The following ATP2A3 variants were observed in gnomAD, a reference collection of about 807,000 sequenced individuals.
ATP2A3 encodes the protein ATPase sarcoplasmic/endoplasmic reticulum Ca2+ transporting 3, also known as sarcoplasmic/endoplasmic reticulum calcium ATPase 3.
ATP2A3 carries 61 observed loss-of-function variants against 106.8 expected under a neutral mutation model. The ratio of observed to expected loss-of-function variants is 0.57; its 90% CI spans 0.46 to 0.71. ATP2A3 has a LOEUF of 0.71. Ranked by LOEUF, ATP2A3 falls within the 30% of genes least tolerant of loss-of-function variation. ATP2A3 has a pLI of 0.00. For synonymous variants in ATP2A3, 611 were observed against 609.3 expected (o/e 1.00, Z -0.04); for missense variants, 1,201 against 1,423.5 (o/e 0.84, Z 2.52).
At chr17:3,962,730 C>T (rs963596309) in intron 1 of ATP2A3, among the ~76,000 whole-genome samples, 100 of 150,974 alleles carry the variant, frequency 6.6e-4, no homozygotes, top group African/African-American at 2.3e-3. Context: ...ACAGACCTGG[C>T]TAGGGTCGTA....
intron 1 of ATP2A3, among the ~76,000 whole-genome samples, chr17:3,963,573 C>A (rs997065512): frequency 6.6e-6 from 1 of 152,228 alleles, no homozygotes; most frequent in Non-Finnish European, 1.5e-5. Flanking sequence ...GACTCCGCCA[C>A]CCCAGGAAGG....
chr17:3,950,312 C>T (rs569289142), intron 7 of ATP2A3, among the ~76,000 whole-genome samples, 199 bp downstream of exon 7: 1 of 151,802 alleles, frequency 6.6e-6, no homozygotes, highest in South Asian at 2.1e-4. Flanking sequence ...CAGGCACACG[C>T]CACCACCCCC....
intron 14 of ATP2A3, among the ~76,000 whole-genome samples, 159 bp from the exon 15 acceptor site, chr17:3,937,795 C>T (rs547503132): frequency 2.0e-5 from 3 of 152,172 alleles, no homozygotes; most frequent in African/African-American, 7.2e-5. Flanking sequence ...AGAAATTGGG[C>T]AGAGGATGAG....
intron 1 of ATP2A3, among the ~76,000 whole-genome samples, chr17:3,958,743 G>GACACACATATATATAC (rs1276294778): frequency 5.7e-5 from 6 of 104,810 alleles, no homozygotes; most frequent in Non-Finnish European, 1.1e-4. Flanking sequence ...CATATATATA[G>GACACACATATATATAC]ACACACATAT....
chr17:3,928,892 C>A lies in ATP2A3; in HGVS notation c.2863-112G>T. 2 of 782,166 alleles carry A rather than the reference C, an allele frequency of 2.6e-6. No individual in the cohort carries two copies. Among genetic ancestry groups the A allele is most frequent in the Non-Finnish European group, 4.2e-6 (2 of 475,236 alleles). 48.5% of individuals were successfully genotyped at this position (782,166 alleles called of 1,614,324 possible). On this transcript the variant is annotated intron_variant, in intron 19 of 20. Transcript: ENST00000397041. This position sits in a 1 kb window ranked among gnomAD's most constrained non-coding sequence, Gnocchi z 6.1. ...TCTGATGGACTCTTCATGAGCGCTC[C>A]TAAGAACCCCCTGGATGCACCCCCG...
intron 17 of ATP2A3, 79 bp downstream of exon 17, chr17:3,935,113 G>A (rs2053356824): frequency 1.9e-5 from 28 of 1,438,270 alleles, no homozygotes; most frequent in Middle Eastern, 1.7e-4. Context: ...CCACCCATGC[G>A]GCTCTAGACC....
Position 3,947,637 on chromosome 17 carries a change from G to A in ATP2A3, c.849C>T (p.Ala283=), listed in dbSNP as rs766807035. 3 of 1,612,366 alleles carry A rather than the reference G, an allele frequency of 1.9e-6. No homozygotes were observed. The highest frequency in any genetic ancestry group is 1.3e-5 in the African/African-American group (1 of 75,048). ...VINIGHFADP[A]HGGSWLRGAV... The stretch of plus-strand genomic sequence containing the variant: ...CGCCACGCAGCCAGGAGCCACCGTG[G>A]GCCGGGTCGGCGAAGTGGCCGATGT... The change falls in exon 8 of 21, where the codon GCC becomes GCT. Residue 283 remains alanine, a synonymous_variant. Coordinates refer to ENST00000397041, the MANE Select transcript of ATP2A3 (RefSeq NM_005173.4). The surrounding 1 kb of genome is among the most constrained non-coding windows in gnomAD (Gnocchi z 7.7).
chr17:3,956,501 T>C (rs2054790531), intron 1 of ATP2A3, among the ~76,000 whole-genome samples: 1 of 152,226 alleles, frequency 6.6e-6, no homozygotes, highest in Non-Finnish European at 1.5e-5. Flanking sequence ...ACTAGCCACA[T>C]GCAGCTGGCG....
chr17:3,927,265 AC>A (rs543015034), intron 20 of ATP2A3: 1 of 985,482 alleles, frequency 1.0e-6, no homozygotes, highest in South Asian at 4.7e-5. Context: ...CATCTGAGAC[AC>A]AGGCTTTTCC....
Position 3,928,233 on chromosome 17 carries a change from G to A in ATP2A3, c.2980+430C>T. 6.2e-7 allele frequency: 1 copy of A among 1,613,630 alleles called. No individual in the cohort carries two copies. Among genetic ancestry groups the A allele is most frequent in the Non-Finnish European group, 8.5e-7 (1 of 1,180,004 alleles). Reference sequence around the variant, plus strand: ...CCCACCCACAAGGTGATACCAAAGAGGCCAACCCGGTGTGGTCTGGGGTCC... The same window carrying A: ...CCCACCCACAAGGTGATACCAAAGAAGCCAACCCGGTGTGGTCTGGGGTCC... On this transcript the variant is annotated intron_variant, in intron 20 of 20. Coordinates refer to ENST00000397041, the MANE Select transcript of ATP2A3 (RefSeq NM_005173.4). This position sits in a 1 kb window ranked among gnomAD's most constrained non-coding sequence, Gnocchi z 6.1.
In ATP2A3 at chr17:3,953,555, C is replaced by T. The variant is rs1486701596; in HGVS notation, c.137-126G>A. ...CACTCAGAAGAGGGAGAACCCAGGT[C>T]GCTGAGAGGCTCAGGTGGGTGATCC... is the stretch of plus-strand genomic sequence containing the variant. On this transcript the variant is annotated intron_variant, in intron 2 of 20. Coordinates refer to ENST00000397041, the MANE Select transcript of ATP2A3 (RefSeq NM_005173.4). This position sits in a 1 kb window ranked among gnomAD's most constrained non-coding sequence, Gnocchi z 5.1. 1.6e-5 allele frequency: 23 copies of T among 1,481,854 alleles called. No homozygotes were observed. Among genetic ancestry groups the T allele is most frequent in the Non-Finnish European group, 2.0e-5 (22 of 1,078,338 alleles). 91.8% of individuals were successfully genotyped at this position (1,481,854 alleles called of 1,614,324 possible).
At chr17:3,957,759 T>G (rs1489959301) in intron 1 of ATP2A3, among the ~76,000 whole-genome samples, 1 of 152,218 alleles carries the variant, frequency 6.6e-6, no homozygotes, top group East Asian at 1.9e-4. Context: ...ATAGTTCCCC[T>G]TGAAATGGCG....
At chr17:3,940,316 T>C (rs1029677645) in intron 14 of ATP2A3, among the ~76,000 whole-genome samples, 7 of 152,130 alleles carry the variant, frequency 4.6e-5, no homozygotes, top group African/African-American at 1.2e-4. Context: ...CTGGTTAACA[T>C]GTATTCTAAA....
chr17:3,935,297 C>A lies in ATP2A3; in HGVS notation c.2525-20G>T, dbSNP rs373538772. The A allele has an allele frequency of 5.0e-6, 8 of 1,609,586 alleles. No homozygotes were observed. The highest frequency in any genetic ancestry group is 5.9e-6 in the Non-Finnish European group (7 of 1,177,224). On this transcript the variant is annotated intron_variant, in intron 16 of 20. Transcript: ENST00000397041. Reference sequence around the variant, plus strand: ...CGTACACTGCGGGGAAGGGAGGAGACCGGCTGTAGAGAATGGCGGTGGTTT... The same window carrying A: ...CGTACACTGCGGGGAAGGGAGGAGAACGGCTGTAGAGAATGGCGGTGGTTT...
rs540319720 is a variant in ATP2A3 at position 3,942,729 on chromosome 17, G to A, written c.1422C>T (p.Val474=). The change falls in exon 12 of 21, where the codon GTC becomes GTT. Residue 474 remains valine, a splice_region_variant and synonymous_variant. Coordinates refer to ENST00000397041, the MANE Select transcript of ATP2A3 (RefSeq NM_005173.4). ...RVERAGACNT[V]IKQLMRKEFT... is the part of the protein sequence containing the mutation. ...ACTCCTTCCGCATCAGCTGCTTGAT[G>A]ACCTGCGGGGTCCAGGCAGGTCAGG... 6.2e-7 allele frequency: 1 copy of A among 1,612,886 alleles called. No individual in the cohort carries two copies. The highest frequency in any genetic ancestry group is 1.7e-5 in the Admixed American group (1 of 60,018).
In ATP2A3 at chr17:3,941,127, C is replaced by T. The variant is rs1597612414; in HGVS notation, c.1944G>A (p.Val648=). The T allele has an allele frequency of 1.2e-6, 2 of 1,614,128 alleles. No individual in the cohort carries two copies. Among genetic ancestry groups the T allele is most frequent in the Non-Finnish European group, 8.5e-7 (1 of 1,179,994 alleles). The change falls in exon 14 of 21, where the codon GTG becomes GTA. Residue 648 remains valine, a synonymous_variant. Transcript: ENST00000397041. ...CGCGGCCCGTGTAGGCCTTGCCCGC[C>T]ACGTCTTCCGTGTCCCCAAAGATGC... ...RLGIFGDTED[V]AGKAYTGREF... is the part of the protein sequence containing the mutation.
chr17:3,941,409 G>A, intron 13 of ATP2A3, 27 bp downstream of exon 13: 1 of 1,612,912 alleles, frequency 6.2e-7, no homozygotes. Context: ...ACCTCGTACT[G>A]CAGGGAGAAT....
At chr17:3,951,514 A>G in intron 4 of ATP2A3, 67 bp downstream of exon 4, 2 of 1,562,202 alleles carry the variant, frequency 1.3e-6, no homozygotes, top group Non-Finnish European at 1.7e-6. Context: ...CGCCAGCACC[A>G]GGTGGAGGGC....
intron 17 of ATP2A3, among the ~76,000 whole-genome samples, chr17:3,931,562 C>G (rs1280638413): frequency 2.7e-5 from 4 of 150,830 alleles, no homozygotes; most frequent in South Asian, 4.2e-4. Flanking sequence ...CGCTCTGTCA[C>G]CCGAGCTGGA....
Sources: gnomAD v4.1 joint callset for allele counts (sites outside exome capture counted in the v4.1 genomes callset) on GRCh38, gnomAD v4.1.1 for gene constraint, Gnocchi (gnomAD v3.1) non-coding constraint, MANE v1.5 for transcripts, NCBI Gene and HGNC (gene_info 2026-07-23, HGNC 2026-07-21) for gene names.